RIMS2: variants seen among roughly 807,000 people sequenced by gnomAD.
The protein encoded by RIMS2 is regulating synaptic membrane exocytosis protein 2.
In RIMS2, 59 loss-of-function variants were observed where a neutral mutation model predicts 174.4. That is an observed-to-expected ratio of 0.34 (90% CI 0.27 to 0.42). The LOEUF (loss-of-function observed/expected upper bound fraction) is 0.42. Ranked by LOEUF, RIMS2 falls within the 10% of genes least tolerant of loss-of-function variation. The probability of loss-of-function intolerance (pLI) is 1.00; values close to 1 mark genes in which losing one functional copy is unlikely to be tolerated. For synonymous variants in RIMS2, 606 were observed against 572.5 expected (o/e 1.06, Z -0.84); for missense variants, 1,620 against 1,666.3 (o/e 0.97, Z 0.48).
At chr8:103,787,051 T>C (rs2098450654) in intron 3 of RIMS2, among the ~76,000 whole-genome samples, 1 of 149,526 alleles carries the variant, frequency 6.7e-6, no homozygotes. Flanking sequence ...CTTTTGATCT[T>C]TGTTGGTTTA....
At chr8:103,528,350 T>G (rs1586841817) in intron 1 of RIMS2, among the ~76,000 whole-genome samples, 1 of 152,034 alleles carries the variant, frequency 6.6e-6, no homozygotes, top group Admixed American at 6.5e-5. Flanking sequence ...TTGCCTGTTC[T>G]CTCTGATGGT....
intron 19 of RIMS2, among the ~76,000 whole-genome samples, chr8:104,079,041 A>G (rs1314048064): frequency 1.3e-5 from 2 of 152,206 alleles, no homozygotes; most frequent in Non-Finnish European, 2.9e-5. Context: ...CAGGAAATAT[A>G]AAAAGACTAT....
At chr8:103,805,051 C>T (rs1312104756) in intron 3 of RIMS2, among the ~76,000 whole-genome samples, 2 of 152,066 alleles carry the variant, frequency 1.3e-5, no homozygotes, top group Admixed American at 1.3e-4. Flanking sequence ...GCCTTGGCCT[C>T]TTAAAGCGCT....
intron 17 of RIMS2, among the ~76,000 whole-genome samples, chr8:103,999,741 G>T (rs2154551960): frequency 6.6e-6 from 1 of 151,786 alleles, no homozygotes; most frequent in Middle Eastern, 3.4e-3. Context: ...GTTATCAACA[G>T]ATAGGTTATC....
chr8:103,842,123 C>T (rs937001164), intron 3 of RIMS2, among the ~76,000 whole-genome samples: 7 of 152,032 alleles, frequency 4.6e-5, no homozygotes, highest in Non-Finnish European at 8.8e-5. Flanking sequence ...GCTTATTAAC[C>T]TCATTTTAGG....
chr8:104,239,169 A>G (rs1016836487), intron 19 of RIMS2, among the ~76,000 whole-genome samples: 4 of 152,234 alleles, frequency 2.6e-5, no homozygotes, highest in Non-Finnish European at 5.9e-5. Flanking sequence ...AGTCAGTAGC[A>G]GAAAGGATCT....
In RIMS2 at chr8:103,661,085, A is replaced by T. The variant is rs555209859; in HGVS notation, c.177-36001A>T. On this transcript the variant is annotated intron_variant, in intron 1 of 23. Transcript: ENST00000504942. The stretch of plus-strand genomic sequence containing the variant: ...CCACTATTTTCTGTCCAGCACCATT[A>T]TTTTGGCCTATTTTTATTTAGAGTT... Among the ~76,000 whole-genome samples the T allele has an allele frequency of 4.1e-4, 63 of 152,248 alleles. 1 individual carries two copies. In the South Asian group the frequency reaches 4.8e-3, roughly 12 times the overall value.
chr8:103,993,476 G>A (rs915352557), intron 17 of RIMS2, among the ~76,000 whole-genome samples: 6 of 152,084 alleles, frequency 3.9e-5, no homozygotes, highest in Admixed American at 2.6e-4. Flanking sequence ...TCAGCTACCA[G>A]AAAGTGTAAC....
intron 1 of RIMS2, among the ~76,000 whole-genome samples, chr8:103,623,855 C>T (rs74969771): frequency 0.065 from 9,874 of 151,928 alleles, 401 homozygotes; most frequent in South Asian, 0.088. Context: ...AGACCTCTGC[C>T]TCTAGGGAGA....
intron 4 of RIMS2, among the ~76,000 whole-genome samples, chr8:103,898,230 T>C (rs1350907229): frequency 6.6e-6 from 1 of 151,614 alleles, no homozygotes; most frequent in Non-Finnish European, 1.5e-5. Context: ...TCTCACCATA[T>C]AGTGGACCAA....
chr8:103,532,623 C>T (rs1490132892), intron 1 of RIMS2, among the ~76,000 whole-genome samples: 4 of 152,178 alleles, frequency 2.6e-5, no homozygotes, highest in Admixed American at 6.5e-5. Context: ...GCTGCTTTTG[C>T]ACTACACTGG....
intron 1 of RIMS2, among the ~76,000 whole-genome samples, chr8:103,650,272 C>T (rs897965043): frequency 3.3e-5 from 5 of 152,136 alleles, no homozygotes; most frequent in South Asian, 4.2e-4. Context: ...TGTGAACCAG[C>T]GAAGATGGCA....
At chr8:103,590,795 C>G (rs1163826753) in intron 1 of RIMS2, among the ~76,000 whole-genome samples, 3 of 151,104 alleles carry the variant, frequency 2.0e-5, no homozygotes, top group Non-Finnish European at 3.0e-5. Context: ...TTTTGAGATT[C>G]ATTTATGTTG....
chr8:104,212,437 T>G (rs2099109522), intron 19 of RIMS2, among the ~76,000 whole-genome samples: 2 of 152,090 alleles, frequency 1.3e-5, no homozygotes, highest in Admixed American at 1.3e-4. Context: ...GAGAAGATAA[T>G]AATTTCAGAT....
intron 3 of RIMS2, among the ~76,000 whole-genome samples, chr8:103,843,702 A>G (rs2098953303): frequency 6.6e-6 from 1 of 152,226 alleles, no homozygotes; most frequent in Non-Finnish European, 1.5e-5. Flanking sequence ...ACTATGGTGA[A>G]GACTACCTTA....
At chr8:103,577,717 C>A (rs541079005) in intron 1 of RIMS2, among the ~76,000 whole-genome samples, 18 of 152,118 alleles carry the variant, frequency 1.2e-4, no homozygotes, top group African/African-American at 4.1e-4. Context: ...AATGAAAAAA[C>A]AATTCAGAAA....
chr8:104,228,324 G>A (rs2139050848), intron 19 of RIMS2, among the ~76,000 whole-genome samples: 1 of 152,184 alleles, frequency 6.6e-6, no homozygotes, highest in East Asian at 1.9e-4. Context: ...CACCGTGCCC[G>A]GCCTAGCTTC....
chr8:104,082,211 G>A (rs1444806454), intron 19 of RIMS2, among the ~76,000 whole-genome samples: 3 of 151,758 alleles, frequency 2.0e-5, no homozygotes, highest in Non-Finnish European at 4.4e-5. Flanking sequence ...GAAGAGAGGG[G>A]AAAAAAGAAA....
chr8:103,585,898 TA>T (rs1298778213), intron 1 of RIMS2, among the ~76,000 whole-genome samples: 1 of 149,614 alleles, frequency 6.7e-6, no homozygotes, highest in Non-Finnish European at 1.5e-5. Context: ...AGAAAAATTT[TA>T]AAAAATTGCA....
Sources: gnomAD v4.1 joint callset for allele counts (sites outside exome capture counted in the v4.1 genomes callset) on GRCh38, gnomAD v4.1.1 for gene constraint, MANE v1.5 for transcripts, NCBI Gene and HGNC (gene_info 2026-07-23, HGNC 2026-07-21) for gene names.